ZFHX4: variants seen among roughly 807,000 people sequenced by gnomAD.
ZFHX4 encodes zinc finger homeobox 4, also known as zinc finger homeobox protein 4.
In ZFHX4, 56 loss-of-function variants were observed where a neutral mutation model predicts 267.6. The ratio of observed to expected loss-of-function variants is 0.21; its 90% CI spans 0.17 to 0.26. The LOEUF is 0.26. ZFHX4 is among the 10% of genes least tolerant of loss of function. The pLI is 1.00. For missense variants in ZFHX4, 4,332 were observed against 4,420.0 expected, an observed-to-expected ratio of 0.98 and a Z score of 0.56; for synonymous variants, 1,778 against 1,665.6, an observed-to-expected ratio of 1.07 and a Z score of -1.64.
At chr8:76,697,096 CT>C (rs1317116173) in intron 1 of ZFHX4, among the ~76,000 whole-genome samples, 1 of 151,758 alleles carries the variant, frequency 6.6e-6, no homozygotes, top group Non-Finnish European at 1.5e-5. Flanking sequence ...CGCTATTATA[CT>C]TAGTTATAGT....
intron 4 of ZFHX4, among the ~76,000 whole-genome samples, chr8:76,786,820 C>G (rs952122194): frequency 6.6e-6 from 1 of 152,124 alleles, no homozygotes; most frequent in Non-Finnish European, 1.5e-5. Context: ...CAAGAGTGTG[C>G]CACTGTTCAC....
chr8:76,761,020 T>C (rs1170225107), intron 3 of ZFHX4, among the ~76,000 whole-genome samples: 1 of 151,594 alleles, frequency 6.6e-6, no homozygotes, highest in African/African-American at 2.4e-5. Flanking sequence ...TTAGGTGGGG[T>C]TCACGTCCAC....
Position 76,803,834 on chromosome 8 carries a change from A to C in ZFHX4, c.3325+25395A>C, listed in dbSNP as rs906443837. Among the ~76,000 whole-genome samples the C allele has an allele frequency of 3.3e-5, 5 of 152,270 alleles. No homozygotes were observed. The East Asian group carries it at 9.6e-4, about 29-fold the overall frequency. ...AAACCCATTTTGACAATACACCAAT[A>C]AAAAGATAGTAAGTATATATCATTT... On this transcript the variant is annotated intron_variant, in intron 4 of 10. Transcript: ENST00000651372.
intron 1 of ZFHX4, among the ~76,000 whole-genome samples, chr8:76,684,935 A>G (rs1326280818): frequency 6.6e-6 from 1 of 152,188 alleles, no homozygotes; most frequent in Non-Finnish European, 1.5e-5. Context: ...ATGAAATTTG[A>G]TTATCTCTAA....
intron 3 of ZFHX4, among the ~76,000 whole-genome samples, chr8:76,735,212 T>A (rs1367153331): frequency 6.6e-6 from 1 of 152,144 alleles, no homozygotes; most frequent in African/African-American, 2.4e-5. Flanking sequence ...TTGATATTAA[T>A]GTGAGCTTTC....
chr8:76,757,692 G>C (rs908743311), intron 3 of ZFHX4, among the ~76,000 whole-genome samples: 3 of 152,186 alleles, frequency 2.0e-5, no homozygotes, highest in African/African-American at 7.2e-5. Context: ...ACTGAGAAGA[G>C]CTTGAGTTAG....
chr8:76,688,475 G>A (rs144720178), intron 1 of ZFHX4, among the ~76,000 whole-genome samples: 9 of 152,110 alleles, frequency 5.9e-5, no homozygotes, highest in African/African-American at 2.2e-4. Flanking sequence ...TGCTTTGTAG[G>A]TGTATTGTGT....
chr8:76,697,750 A>G (rs2131593636), intron 1 of ZFHX4, among the ~76,000 whole-genome samples: 2 of 152,200 alleles, frequency 1.3e-5, no homozygotes, highest in South Asian at 4.1e-4. Context: ...ACTTCAGGGT[A>G]TATTTATATG....
intron 1 of ZFHX4, among the ~76,000 whole-genome samples, chr8:76,703,148 A>C (rs1808148229): frequency 6.6e-6 from 1 of 152,164 alleles, no homozygotes; most frequent in African/African-American, 2.4e-5. Flanking sequence ...CTTTAAAAAA[A>C]ATGAAGGATT....
rs939250485 is a variant in ZFHX4 at position 76,807,787 on chromosome 8, CCA to C, written c.3326-25550_3326-25549del. Among the ~76,000 whole-genome samples, 4 of 152,182 alleles carry C rather than the reference CCA, an allele frequency of 2.6e-5. No individual in the cohort carries two copies. The East Asian group carries it at 7.7e-4, about 29-fold the overall frequency. On this transcript the variant is annotated intron_variant, in intron 4 of 10. Transcript: ENST00000651372. ...TTACAATCAATGCCTCCTTCTGTAT[CCA>C]GAGTTCCCTTTTAGTGGCAATAAAG...
chr8:76,702,169 T>C (rs1443194798), intron 1 of ZFHX4, among the ~76,000 whole-genome samples: 1 of 152,192 alleles, frequency 6.6e-6, no homozygotes, highest in Non-Finnish European at 1.5e-5. Flanking sequence ...ATAAGGATAA[T>C]TAACCTGAAG....
At chr8:76,760,693 C>T (rs1809887502) in intron 3 of ZFHX4, among the ~76,000 whole-genome samples, 2 of 151,886 alleles carry the variant, frequency 1.3e-5, no homozygotes, top group South Asian at 2.1e-4. Flanking sequence ...TATGGGAGGC[C>T]AGGGCCAGAG....
At chr8:76,756,740 T>C (rs1217451495) in intron 3 of ZFHX4, among the ~76,000 whole-genome samples, 1 of 152,166 alleles carries the variant, frequency 6.6e-6, no homozygotes, top group African/African-American at 2.4e-5. Flanking sequence ...TACCTTTTTC[T>C]AGGCAGCAAA....
intron 4 of ZFHX4, among the ~76,000 whole-genome samples, chr8:76,821,290 A>G (rs1811641358): frequency 6.6e-6 from 1 of 152,032 alleles, no homozygotes; most frequent in East Asian, 1.9e-4. Context: ...TTCTCTGGTC[A>G]TTTTTACAGC....
intron 5 of ZFHX4, chr8:76,834,483 C>T (rs1812019150): frequency 6.2e-6 from 1 of 160,308 alleles, no homozygotes; most frequent in Non-Finnish European, 1.4e-5. Flanking sequence ...TCCCTGATGA[C>T]ATGTGATGTG....
rs191252921 is a variant in ZFHX4, at chr8:76,728,747, G to A, written c.3093+20699G>A. 5.9e-3 allele frequency among the ~76,000 whole-genome samples: 903 copies of A among 152,216 alleles called. 7 individuals carry two copies. Among genetic ancestry groups the A allele is most frequent in the Non-Finnish European group, 9.9e-3 (673 of 68,004 alleles). On this transcript the variant is annotated intron_variant, in intron 3 of 10. Coordinates refer to ENST00000651372, the MANE Select transcript of ZFHX4 (RefSeq NM_024721.5). The stretch of plus-strand genomic sequence containing the variant: ...TTATTAGTGACAACTAACACAGTCT[G>A]GGAGAGCACCCCCCCAATCTTTATG...
In ZFHX4 at chr8:76,854,465, A is replaced by G; in HGVS notation, c.7544A>G (p.His2515Arg). The stretch of plus-strand genomic sequence containing the variant: ...CTCTGGCAGGAACACCAGCACATGC[A>G]CTTCCTTGCTGCTCAAAACCAATTC... ...LELWQEHQHM[H>R]FLAAQNQFLH... The change falls in exon 10 of 11, where the codon CAC (histidine) becomes CGC (arginine). Residue 2515 changes from histidine to arginine, a missense_variant. Coordinates refer to ENST00000651372, the MANE Select transcript of ZFHX4 (RefSeq NM_024721.5). The G allele has an allele frequency of 6.2e-7, 1 of 1,613,868 alleles. No homozygotes were observed.
At chr8:76,834,884 C>CA (rs1812029035) in intron 5 of ZFHX4, among the ~76,000 whole-genome samples, 1 of 151,482 alleles carries the variant, frequency 6.6e-6, no homozygotes. Context: ...TTGTGTTTTG[C>CA]AGTTAGGTCT....
chr8:76,748,176 T>C (rs955132437), intron 3 of ZFHX4, among the ~76,000 whole-genome samples: 3 of 152,148 alleles, frequency 2.0e-5, no homozygotes, highest in South Asian at 2.1e-4. Context: ...CATTTTCATA[T>C]GGATGACTCA....
Sources: gnomAD v4.1 joint callset for allele counts (sites outside exome capture counted in the v4.1 genomes callset) on GRCh38, gnomAD v4.1.1 for gene constraint, MANE v1.5 for transcripts, NCBI Gene and HGNC (gene_info 2026-07-23, HGNC 2026-07-21) for gene names.